CACNA2D3: variants seen among roughly 807,000 people sequenced by gnomAD.
CACNA2D3 encodes voltage-dependent calcium channel subunit alpha-2/delta-3.
A neutral mutation model predicts 160.6 loss-of-function variants in CACNA2D3; 60 were observed. The observed-to-expected ratio is 0.37, with a 90% CI of 0.30 to 0.46. The LOEUF is 0.46. Among genes scored for constraint, CACNA2D3 ranks in the 20% least tolerant of loss-of-function variants. CACNA2D3 has a pLI of 1.00. For synonymous variants in CACNA2D3, 558 were observed against 492.9 expected, an observed-to-expected ratio of 1.13 and a Z score of -1.75; for missense variants, 1,205 against 1,365.0, an observed-to-expected ratio of 0.88 and a Z score of 1.85.
chr3:54,402,164 G>A (rs1010813734), intron 4 of CACNA2D3, among the ~76,000 whole-genome samples: 3 of 151,830 alleles, frequency 2.0e-5, no homozygotes, highest in South Asian at 4.1e-4. Flanking sequence ...TAAAAACTTA[G>A]CACTACAGAA....
intron 9 of CACNA2D3, chr3:54,626,211 C>A (rs1490677571): frequency 7.0e-6 from 6 of 859,328 alleles, no homozygotes; most frequent in Non-Finnish European, 1.2e-5. Context: ...GAGGATCCGG[C>A]AAGATGGCAG....
chr3:54,982,873 G>T (rs754681149), intron 29 of CACNA2D3, among the ~76,000 whole-genome samples: 2 of 152,082 alleles, frequency 1.3e-5, no homozygotes, highest in Non-Finnish European at 2.9e-5. Flanking sequence ...CACACTCATC[G>T]CCACTTTGGT....
intron 11 of CACNA2D3, among the ~76,000 whole-genome samples, chr3:54,684,589 C>CT (rs1360217216): frequency 6.6e-6 from 1 of 152,154 alleles, no homozygotes; most frequent in Non-Finnish European, 1.5e-5. Flanking sequence ...CTTCACTGGG[C>CT]TTGTTCTGTC....
chr3:54,151,691 A>G (rs1314307863), intron 2 of CACNA2D3, among the ~76,000 whole-genome samples: 21 of 152,180 alleles, frequency 1.4e-4, no homozygotes, highest in Non-Finnish European at 2.9e-5. Flanking sequence ...GACCAGGGAC[A>G]TACTTGCCCC....
At chr3:54,828,448 A>G (rs955258830) in intron 14 of CACNA2D3, among the ~76,000 whole-genome samples, 7 of 152,218 alleles carry the variant, frequency 4.6e-5, no homozygotes, top group Admixed American at 3.9e-4. Context: ...TTATTTATAT[A>G]TGTTCATGGT....
chr3:54,248,449 C>A (rs1333316220), intron 2 of CACNA2D3, among the ~76,000 whole-genome samples: 9 of 148,594 alleles, frequency 6.1e-5, no homozygotes, highest in African/African-American at 2.2e-4. Flanking sequence ...CCACTGCACT[C>A]CAGCCCGGGC....
intron 5 of CACNA2D3, among the ~76,000 whole-genome samples, chr3:54,554,988 C>T (rs1185095576): frequency 1.3e-5 from 2 of 149,138 alleles, no homozygotes; most frequent in Non-Finnish European, 3.0e-5. Context: ...AATCCTTTCA[C>T]CTCGGCTTCT....
At chr3:54,716,125 T>A (rs982074559) in intron 11 of CACNA2D3, among the ~76,000 whole-genome samples, 5 of 152,212 alleles carry the variant, frequency 3.3e-5, no homozygotes, top group Non-Finnish European at 7.3e-5. Flanking sequence ...CAAACTTTAT[T>A]TTGAAATAAT....
chr3:54,137,503 C>G (rs1699835949), intron 2 of CACNA2D3, among the ~76,000 whole-genome samples: 1 of 152,228 alleles, frequency 6.6e-6, no homozygotes, highest in Admixed American at 6.5e-5. Flanking sequence ...CCTAATCTCC[C>G]TGGTGCAAGA....
intron 11 of CACNA2D3, among the ~76,000 whole-genome samples, chr3:54,749,465 C>T (rs1701816798): frequency 1.3e-5 from 2 of 152,046 alleles, no homozygotes; most frequent in African/African-American, 2.4e-5. Context: ...TCTCTTCTAC[C>T]ACTTCTGTCC....
rs1276124938 is a variant in CACNA2D3 at position 54,170,857 on chromosome 3, A to G, written c.204+47263A>G. Reference sequence around the variant, plus strand: ...GATTTTATTATTTTGCCATGCCAATAGATTCCAGTCATTCTCTAGGCTTTG... The same window carrying G: ...GATTTTATTATTTTGCCATGCCAATGGATTCCAGTCATTCTCTAGGCTTTG... On this transcript the variant is annotated intron_variant, in intron 2 of 37. Coordinates refer to ENST00000474759, the MANE Select transcript of CACNA2D3 (RefSeq NM_018398.3). Among the ~76,000 whole-genome samples, 21 of 152,318 alleles carry G rather than the reference A, an allele frequency of 1.4e-4. No homozygotes were observed. In the East Asian group the frequency reaches 4.0e-3, roughly 29 times the overall value.
intron 21 of CACNA2D3, among the ~76,000 whole-genome samples, chr3:54,884,165 A>G (rs1314979269): frequency 6.6e-6 from 1 of 152,192 alleles, no homozygotes; most frequent in African/African-American, 2.4e-5. Flanking sequence ...AAGGCTGCAC[A>G]GATAGATGGA....
At chr3:55,019,116 A>C (rs927197660) in intron 35 of CACNA2D3, among the ~76,000 whole-genome samples, 4 of 109,804 alleles carry the variant, frequency 3.6e-5, no homozygotes, top group Admixed American at 2.4e-4. Flanking sequence ...TCTTTTTTTA[A>C]TAAGTCTAGT....
intron 4 of CACNA2D3, among the ~76,000 whole-genome samples, chr3:54,428,676 A>G (rs1184628123): frequency 1.3e-5 from 2 of 152,124 alleles, no homozygotes; most frequent in East Asian, 3.8e-4. Context: ...CTACCTTTCA[A>G]AATTTAGCAA....
chr3:54,798,623 G>A (rs1702919663), intron 13 of CACNA2D3, among the ~76,000 whole-genome samples: 1 of 152,172 alleles, frequency 6.6e-6, no homozygotes, highest in Non-Finnish European at 1.5e-5. Flanking sequence ...TAGCTCCCAC[G>A]TAATTGGTAA....
chr3:54,939,589 G>A (rs957530893), intron 27 of CACNA2D3, among the ~76,000 whole-genome samples: 1 of 152,194 alleles, frequency 6.6e-6, no homozygotes, highest in Non-Finnish European at 1.5e-5. Context: ...GGCCGGAGGT[G>A]GGGAAAGCAA....
intron 17 of CACNA2D3, among the ~76,000 whole-genome samples, chr3:54,855,752 CT>C (rs1699156170): frequency 1.3e-5 from 2 of 152,052 alleles, no homozygotes; most frequent in South Asian, 4.1e-4. Context: ...TTCCAATAAG[CT>C]CCCCCTTCTG....
At chr3:54,559,768 A>G (rs1702296971) in intron 5 of CACNA2D3, among the ~76,000 whole-genome samples, 1 of 152,124 alleles carries the variant, frequency 6.6e-6, no homozygotes, top group Admixed American at 6.5e-5. Flanking sequence ...GAAAGGCCCC[A>G]GTGTGTGTTG....
chr3:54,613,612 T>TA (rs975020084), intron 9 of CACNA2D3, among the ~76,000 whole-genome samples: 1 of 152,206 alleles, frequency 6.6e-6, no homozygotes, highest in Non-Finnish European at 1.5e-5. Flanking sequence ...CTCTGAGTCT[T>TA]AAGGTCTCTT....
Sources: allele counts gnomAD v4.1 joint callset (sites outside exome capture counted in the v4.1 genomes callset), GRCh38; gene constraint gnomAD v4.1.1; transcripts MANE v1.5; gene names NCBI Gene and HGNC (gene_info 2026-07-23, HGNC 2026-07-21).